Variants in QTMAN observed in about 807,000 individuals in gnomAD.
The protein encoded by QTMAN is queuosine-tRNA mannosyltransferase, also known as tRNA-queuosine alpha-mannosyltransferase.
the QTMAN span, among the ~76,000 whole-genome samples, chr2:144,109,728 A>G: frequency 6.6e-6 from 1 of 152,296 alleles, no homozygotes; most frequent in South Asian, 2.1e-4. Flanking sequence ...AAAGTAGGCA[A>G]AGGATATGAA....
At chr2:143,971,331 T>C in the QTMAN span, among the ~76,000 whole-genome samples, 1 of 152,144 alleles carries the variant, frequency 6.6e-6, no homozygotes, top group Non-Finnish European at 1.5e-5. Context: ...TGGAGAATTA[T>C]AAATACATCA....
At chr2:143,970,742 T>C in the QTMAN span, 1 of 1,578,596 alleles carries the variant, frequency 6.3e-7, no homozygotes, top group Non-Finnish European at 8.7e-7. Flanking sequence ...AAAAAAGCTT[T>C]CTGGATCTTT....
the QTMAN span, among the ~76,000 whole-genome samples, chr2:144,324,382 C>T: frequency 6.6e-6 from 1 of 152,054 alleles, no homozygotes; most frequent in African/African-American, 2.4e-5. Flanking sequence ...TTAATTCACA[C>T]CATTTGAATA....
At chr2:143,949,370 T>C in the QTMAN span, among the ~76,000 whole-genome samples, 1 of 152,052 alleles carries the variant, frequency 6.6e-6, no homozygotes, top group Non-Finnish European at 1.5e-5. Flanking sequence ...TAATGTCTGA[T>C]GTGAGAAGAA....
chr2:144,222,793 G>A, the QTMAN span, among the ~76,000 whole-genome samples: 4 of 152,114 alleles, frequency 2.6e-5, no homozygotes, highest in African/African-American at 9.7e-5. Context: ...AGGCGACAGA[G>A]CGAGACTCTG....
chr2:144,269,009 G>A, the QTMAN span, among the ~76,000 whole-genome samples: 4 of 152,020 alleles, frequency 2.6e-5, no homozygotes, highest in Non-Finnish European at 4.4e-5. Flanking sequence ...GGGTGGTCCC[G>A]ATCTCCTGAC....
the QTMAN span, among the ~76,000 whole-genome samples, chr2:144,073,941 A>G: frequency 6.6e-6 from 1 of 152,182 alleles, no homozygotes; most frequent in Non-Finnish European, 1.5e-5. Context: ...CTGAAGCTCC[A>G]TTACTGATTA....
chr2:144,140,855 C>G, the QTMAN span, among the ~76,000 whole-genome samples: 1 of 151,958 alleles, frequency 6.6e-6, no homozygotes, highest in African/African-American at 2.4e-5. Context: ...GATGGTCTAA[C>G]TTAAATTTTA....
chr2:144,188,489 T>C, the QTMAN span, among the ~76,000 whole-genome samples: 1 of 151,702 alleles, frequency 6.6e-6, no homozygotes, highest in African/African-American at 2.4e-5. Flanking sequence ...AATGACATTA[T>C]GCTGAGTCCT....
the QTMAN span, among the ~76,000 whole-genome samples, chr2:144,067,537 T>A: frequency 3.9e-5 from 6 of 151,912 alleles, no homozygotes; most frequent in South Asian, 1.2e-3. Context: ...CAATTAAGAG[T>A]TGTTTGGAGG....
chr2:144,092,818 T>C, the QTMAN span, among the ~76,000 whole-genome samples: 2 of 151,434 alleles, frequency 1.3e-5, no homozygotes, highest in Non-Finnish European at 2.9e-5. Context: ...TTTATGGTAC[T>C]TAAAGAACAC....
At chr2:144,254,655 C>A in the QTMAN span, among the ~76,000 whole-genome samples, 5 of 152,154 alleles carry the variant, frequency 3.3e-5, no homozygotes, top group Non-Finnish European at 7.4e-5. Flanking sequence ...GCACCACCAT[C>A]CTCCAGACCC....
the QTMAN span, among the ~76,000 whole-genome samples, chr2:144,210,077 G>A: frequency 2.0e-5 from 3 of 151,552 alleles, no homozygotes; most frequent in Admixed American, 2.0e-4. Flanking sequence ...GGCTGTGGGG[G>A]ACTGTGTGTG....
At chr2:143,956,547 A>T in the QTMAN span, among the ~76,000 whole-genome samples, 1 of 152,116 alleles carries the variant, frequency 6.6e-6, no homozygotes, top group Non-Finnish European at 1.5e-5. Context: ...AATTATTAGA[A>T]ATGATTCAAT....
At chr2:144,009,022 T>TA in the QTMAN span, among the ~76,000 whole-genome samples, 3 of 152,008 alleles carry the variant, frequency 2.0e-5, no homozygotes, top group Non-Finnish European at 2.9e-5. Flanking sequence ...GGCACAGTGT[T>TA]ATTCACTTGG....
the QTMAN span, among the ~76,000 whole-genome samples, chr2:144,218,939 C>CAAAAAAAAAAAAAAAAAAAAAAAAAAAA: frequency 9.6e-6 from 1 of 104,242 alleles, no homozygotes; most frequent in Non-Finnish European, 2.0e-5. Flanking sequence ...AAAAAAAAAG[C>CAAAAAAAAAAAAAAAAAAAAAAAAAAAA]AAAATCCTAG....
the QTMAN span, among the ~76,000 whole-genome samples, chr2:144,220,545 C>T: frequency 1.3e-5 from 2 of 152,174 alleles, no homozygotes; most frequent in Non-Finnish European, 2.9e-5. Context: ...GACCCTATAG[C>T]CAGAGTATTC....
chr2:144,003,289 CTTGT>C, the QTMAN span, among the ~76,000 whole-genome samples: 2 of 151,684 alleles, frequency 1.3e-5, no homozygotes, highest in Non-Finnish European at 2.9e-5. Context: ...ATAGTCTAAA[CTTGT>C]TTTTTTTGGT....
At chr2:144,326,944 T>C in the QTMAN span, among the ~76,000 whole-genome samples, 5 of 152,138 alleles carry the variant, frequency 3.3e-5, no homozygotes, top group Non-Finnish European at 5.9e-5. Flanking sequence ...GAAGATTCCA[T>C]GCATGGTTCC....
Sources: gnomAD v4.1 joint callset for allele counts (sites outside exome capture counted in the v4.1 genomes callset) on GRCh38, gnomAD v4.1.1 for gene constraint, MANE v1.5 for transcripts, NCBI Gene and HGNC (gene_info 2026-07-23, HGNC 2026-07-21) for gene names.